The following GGA1 variants were observed in gnomAD, a reference collection of about 807,000 sequenced individuals.
GGA1 encodes the protein golgi associated, gamma adaptin ear containing, ARF binding protein 1.
A neutral mutation model predicts 76.9 loss-of-function variants in GGA1; 18 were observed. The ratio of observed to expected loss-of-function variants is 0.23; its 90% confidence interval spans 0.16 to 0.35. The LOEUF (loss-of-function observed/expected upper bound fraction) is 0.35. Among genes scored for constraint, GGA1 ranks in the 10% least tolerant of loss-of-function variants. GGA1 has a pLI of 1.00. For missense variants in GGA1, 755 were observed against 859.0 expected (o/e 0.88, Z 1.51); for synonymous variants, 342 against 354.7 (o/e 0.96, Z 0.40).
intron 11 of GGA1, chr22:37,627,100 GCGGTGAGC>G (rs1477922658): frequency 6.6e-6 from 1 of 152,264 alleles, no homozygotes; most frequent in Non-Finnish European, 1.5e-5. Flanking sequence ...AGCAGAGGTT[GCGGTGAGC>G]CGAGATGGCA....
At chr22:37,618,366 TG>T in intron 3 of GGA1, 81 bp from the exon 4 acceptor site, 1 of 772,864 alleles carries the variant, frequency 1.3e-6, no homozygotes, top group Non-Finnish European at 2.3e-6. Context: ...CATGGGCTTC[TG>T]GCCCCTGTCC....
intron 1 of GGA1, chr22:37,613,293 G>T: frequency 2.5e-6 from 1 of 393,420 alleles, no homozygotes; most frequent in Non-Finnish European, 3.5e-6. Context: ...AGGTGTACCA[G>T]CTCCAGCCTG....
intron 3 of GGA1, chr22:37,617,689 A>AC (rs1929069629): frequency 3.2e-5 from 20 of 630,490 alleles, no homozygotes; most frequent in Non-Finnish European, 3.9e-5. Context: ...ACAGAGTGAG[A>AC]CCCCATCTCT....
chr22:37,619,108 C>T (rs942544944), intron 4 of GGA1, among the ~76,000 whole-genome samples: 3 of 152,212 alleles, frequency 2.0e-5, no homozygotes, highest in Non-Finnish European at 4.4e-5. Flanking sequence ...CTCTGTCACC[C>T]AGGCTGGAGT....
At chr22:37,620,112 T>A in intron 4 of GGA1, 126 bp from the exon 5 acceptor site, 1 of 1,027,444 alleles carries the variant, frequency 9.7e-7, no homozygotes, top group South Asian at 1.4e-5. Context: ...GGCGGGGCTA[T>A]GAGGACCCTG....
rs769028814 is a variant in GGA1, at chr22:37,620,349, C to T, written c.415C>T (p.Leu139=). The T allele has an allele frequency of 3.7e-6, 6 of 1,613,872 alleles. No homozygotes were observed. The highest frequency in any genetic ancestry group is 1.1e-5 in the South Asian group (1 of 91,086). ...GAAAATCGCAGAGGCCTACCAGATG[C>T]TAAAGAAGCAGGGTGAGGCACACAG... ...EVKIAEAYQM[L]KKQGIVKSDP... The change falls in exon 5 of 17, where the codon CTA becomes TTA. Residue 139 remains leucine, a synonymous_variant. Coordinates refer to ENST00000343632, the MANE Select transcript of GGA1 (RefSeq NM_013365.5).
chr22:37,629,868 G>A, intron 12 of GGA1, 130 bp from the exon 13 acceptor site: 1 of 702,520 alleles, frequency 1.4e-6, no homozygotes, highest in Non-Finnish European at 2.4e-6. Flanking sequence ...TGGGTGGTCT[G>A]GGGTCCCCAC....
chr22:37,612,027 G>C (rs966104583), intron 1 of GGA1, among the ~76,000 whole-genome samples: 1 of 151,882 alleles, frequency 6.6e-6, no homozygotes. Context: ...GGTGGTGGAC[G>C]CCTGTGATCC....
At chr22:37,609,977 C>T (rs1927200678) in intron 1 of GGA1, among the ~76,000 whole-genome samples, 1 of 152,178 alleles carries the variant, frequency 6.6e-6, no homozygotes, top group African/African-American at 2.4e-5. Context: ...TCAGAGTCAT[C>T]CTAGCCACCA....
chr22:37,618,709 C>T (rs1351851879), intron 4 of GGA1, among the ~76,000 whole-genome samples, 163 bp downstream of exon 4: 1 of 152,190 alleles, frequency 6.6e-6, no homozygotes, highest in South Asian at 2.1e-4. Flanking sequence ...TCTCTTCTCA[C>T]AGTCCTCTCA....
At chr22:37,617,339 C>T (rs1486403436) in intron 3 of GGA1, 2 of 1,188,608 alleles carry the variant, frequency 1.7e-6, no homozygotes, top group Non-Finnish European at 2.1e-6. Flanking sequence ...GGCCACACTC[C>T]TGGAGTATCT....
chr22:37,623,812 C>T lies in GGA1; in HGVS notation c.832+179C>T. 3 of 588,624 alleles carry T rather than the reference C, an allele frequency of 5.1e-6. No individual in the cohort carries two copies. Among genetic ancestry groups the T allele is most frequent in the Non-Finnish European group, 9.2e-6 (3 of 326,074 alleles). The allele number at this position is 588,624 out of a possible 1,614,324, so 36.5% of individuals were successfully genotyped here. On this transcript the variant is annotated intron_variant, in intron 9 of 16. Coordinates refer to ENST00000343632, the MANE Select transcript of GGA1 (RefSeq NM_013365.5). This position sits in a 1 kb window ranked among gnomAD's most constrained non-coding sequence, Gnocchi z 4.6. ...AGGACACAGAGCAGGGGCCGCCCCC[C>T]TGTTGAGAGGCCCTGTGGGCCAGCC...
At chr22:37,631,318 A>G (rs921947745) in intron 14 of GGA1, among the ~76,000 whole-genome samples, 2 of 152,136 alleles carry the variant, frequency 1.3e-5, no homozygotes, top group African/African-American at 4.8e-5. Context: ...AGGCTTATAT[A>G]AGCAAGAAGA....
At chr22:37,611,992 A>C (rs1174198275) in intron 1 of GGA1, among the ~76,000 whole-genome samples, 1 of 151,926 alleles carries the variant, frequency 6.6e-6, no homozygotes, top group Non-Finnish European at 1.5e-5. Flanking sequence ...TCTCTACCAA[A>C]AATACAAAAA....
At chr22:37,631,218 A>G in intron 14 of GGA1, 119 bp downstream of exon 14, 1 of 754,882 alleles carries the variant, frequency 1.3e-6, no homozygotes, top group South Asian at 1.9e-5. Flanking sequence ...CTGGCCAACC[A>G]GAGGGGAGCT....
At chr22:37,630,622 A>G (rs1601561067) in intron 13 of GGA1, 5 of 505,282 alleles carry the variant, frequency 9.9e-6, no homozygotes, top group East Asian at 7.7e-5. Context: ...GCTGGAGTAC[A>G]GTGGCATGAT....
chr22:37,611,505 G>C (rs758283217), intron 1 of GGA1, among the ~76,000 whole-genome samples: 38 of 152,228 alleles, frequency 2.5e-4, no homozygotes, highest in Non-Finnish European at 4.0e-4. Flanking sequence ...CAGTGAACTT[G>C]AGGAGGGCAG....
intron 3 of GGA1, 179 bp from the exon 4 acceptor site, chr22:37,618,269 C>T (rs967804238): frequency 1.7e-6 from 1 of 585,072 alleles, no homozygotes. Context: ...CCCTATCTCC[C>T]ATGGGAGTGA....
intron 5 of GGA1, 120 bp from the exon 6 acceptor site, chr22:37,620,693 G>T: frequency 1.4e-6 from 1 of 733,002 alleles, no homozygotes; most frequent in African/African-American, 1.7e-5. Context: ...CAGAGCCAGC[G>T]TGCTGGCAAA....
Sources: gnomAD v4.1 joint callset for allele counts (sites outside exome capture counted in the v4.1 genomes callset) on GRCh38, gnomAD v4.1.1 for gene constraint, Gnocchi (gnomAD v3.1) non-coding constraint, MANE v1.5 for transcripts, NCBI Gene and HGNC (gene_info 2026-07-23, HGNC 2026-07-21) for gene names.